TFB1M: variants seen among roughly 807,000 people sequenced by gnomAD.
TFB1M encodes transcription factor B1, mitochondrial.
A neutral mutation model predicts 31.1 loss-of-function variants in TFB1M; 27 were observed. The ratio of observed to expected loss-of-function variants is 0.87; its 90% CI spans 0.64 to 1.20. The LOEUF (loss-of-function observed/expected upper bound fraction) is 1.20. TFB1M is among the 50% of genes most tolerant of loss of function. The pLI, the probability that TFB1M is intolerant of heterozygous loss-of-function variation, is 0.00. For synonymous variants in TFB1M, 166 were observed against 151.8 expected (o/e 1.09, Z -0.69); for missense variants, 394 against 418.7 (o/e 0.94, Z 0.51).
chr6:155,246,919 A>G, the TFB1M span, among the ~76,000 whole-genome samples: 1 of 152,250 alleles, frequency 6.6e-6, no homozygotes, highest in Non-Finnish European at 1.5e-5. Flanking sequence ...GCAACTGGGC[A>G]TCCAGTGCCA....
At chr6:155,269,384 C>T (rs12214833) in intron 5 of TFB1M, among the ~76,000 whole-genome samples, 19,049 of 143,016 alleles carry the variant, frequency 0.13, 1,510 homozygotes, top group Non-Finnish European at 0.19. Flanking sequence ...TGCTATGACA[C>T]GATCTTGGCT....
At chr6:155,295,258 C>T (rs916693413) in intron 4 of TFB1M, among the ~76,000 whole-genome samples, 12 of 151,290 alleles carry the variant, frequency 7.9e-5, no homozygotes, top group Non-Finnish European at 1.5e-4. Flanking sequence ...CCCAGCTACT[C>T]GGGAGGCTGA....
rs1227892778 is a variant in TFB1M at position 155,256,701 on chromosome 6, C to T, written c.*1135G>A. The T allele has an allele frequency of 1.1e-5, 17 of 1,614,178 alleles. No homozygotes were observed. The highest frequency in any genetic ancestry group is 1.4e-5 in the Non-Finnish European group (17 of 1,180,036). On this transcript the variant is annotated 3_prime_UTR_variant, in exon 7 of 7. Coordinates refer to ENST00000367166, the MANE Select transcript of TFB1M (RefSeq NM_016020.4). The stretch of plus-strand genomic sequence containing the variant: ...TGGCAGATTTTGCCGACAATCTCAT[C>T]AAAGAGAGTGACATCCTGAGCGATG...
At chr6:155,267,135 C>T (rs1027400003) in intron 5 of TFB1M, among the ~76,000 whole-genome samples, 8 of 151,804 alleles carry the variant, frequency 5.3e-5, no homozygotes, top group Middle Eastern at 3.2e-3. Flanking sequence ...GCACCACACC[C>T]GGCCAATTTT....
chr6:155,290,410 A>AC (rs1776862549), intron 4 of TFB1M, among the ~76,000 whole-genome samples: 1 of 150,280 alleles, frequency 6.7e-6, no homozygotes, highest in Non-Finnish European at 1.5e-5. Context: ...AAAAAAAAAA[A>AC]GAAAAGAATG....
At chr6:155,250,894 T>A in the TFB1M span, 1 of 1,610,464 alleles carries the variant, frequency 6.2e-7, no homozygotes, top group Non-Finnish European at 8.5e-7. Flanking sequence ...CTTCCTTACC[T>A]CCTGTTTTTA....
chr6:155,271,667 T>C (rs981731354), intron 5 of TFB1M, among the ~76,000 whole-genome samples: 1 of 152,230 alleles, frequency 6.6e-6, no homozygotes, highest in African/African-American at 2.4e-5. Flanking sequence ...TCAACTCTCA[T>C]TTGCAAGGCA....
chr6:155,262,779 C>T (rs970410712), intron 5 of TFB1M, among the ~76,000 whole-genome samples: 2 of 152,194 alleles, frequency 1.3e-5, no homozygotes, highest in Non-Finnish European at 2.9e-5. Context: ...TTGGCCTCAT[C>T]TTTATTTGCC....
At chr6:155,284,047 C>A (rs1776511088) in intron 5 of TFB1M, among the ~76,000 whole-genome samples, 1 of 152,180 alleles carries the variant, frequency 6.6e-6, no homozygotes, top group Admixed American at 6.5e-5. Flanking sequence ...CGATAGCAAG[C>A]TCCCTGAGCT....
At chr6:155,313,936 T>C (rs750641761) in intron 1 of TFB1M, among the ~76,000 whole-genome samples, 1 of 152,272 alleles carries the variant, frequency 6.6e-6, no homozygotes, top group Non-Finnish European at 1.5e-5. Flanking sequence ...GTAAAGCAAC[T>C]GCAGTCAGCA....
At chr6:155,253,148 G>A, downstream of TFB1M, 1 of 1,081,726 alleles carries the variant, frequency 9.2e-7, no homozygotes, top group Non-Finnish European at 1.4e-6. Flanking sequence ...ATAATTTTTG[G>A]TGCCTTTTAT....
the TFB1M span, chr6:155,245,557 A>C: frequency 2.7e-5 from 36 of 1,353,818 alleles, no homozygotes; most frequent in Non-Finnish European, 3.5e-5. Flanking sequence ...GGGGCCGTCA[A>C]ATGCCATAAG....
intron 5 of TFB1M, among the ~76,000 whole-genome samples, chr6:155,271,067 T>C (rs1241305620): frequency 6.6e-6 from 1 of 152,190 alleles, no homozygotes; most frequent in African/African-American, 2.4e-5. Context: ...ATGCAAAACT[T>C]AGGATTAAAA....
At chr6:155,275,873 A>G in intron 5 of TFB1M, 5 of 1,614,114 alleles carry the variant, frequency 3.1e-6, no homozygotes, top group Non-Finnish European at 4.2e-6. Flanking sequence ...CGGGCTCTGG[A>G]TGGACTGTAC....
At chr6:155,252,027 T>G (rs765148131), downstream of TFB1M, 1 of 1,565,478 alleles carries the variant, frequency 6.4e-7, no homozygotes, top group Middle Eastern at 1.7e-4. Context: ...TCATTTTAAT[T>G]TAAGCTACCT....
At chr6:155,308,695 C>CATGAAA (rs1777891353) in intron 2 of TFB1M, among the ~76,000 whole-genome samples, 1 of 152,208 alleles carries the variant, frequency 6.6e-6, no homozygotes, top group Non-Finnish European at 1.5e-5. Context: ...GTTTTTCTTT[C>CATGAAA]CCCTAAACTG....
rs749309959 is a variant in TFB1M, at chr6:155,257,145, T to C, written c.*691A>G. On this transcript the variant is annotated 3_prime_UTR_variant, in exon 7 of 7. Transcript: ENST00000367166. ...AGTATGATTCAATCCAGATATGGGT[T>C]AAATTCCTCATTTTACTTTTAAACT... 3 of 1,584,422 alleles carry C rather than the reference T, an allele frequency of 1.9e-6. No homozygotes were observed. Among genetic ancestry groups the C allele is most frequent in the Admixed American group, 3.4e-5 (2 of 58,498 alleles).
chr6:155,255,195 TTAG>T (rs1317316209), downstream of TFB1M: 2 of 152,302 alleles, frequency 1.3e-5, no homozygotes, highest in African/African-American at 4.8e-5. Flanking sequence ...GCCGCAGTGG[TTAG>T]TAGGTACATT....
At chr6:155,250,680 T>TG in the TFB1M span, 38 of 1,468,772 alleles carry the variant, frequency 2.6e-5, no homozygotes, top group Admixed American at 6.4e-4. Flanking sequence ...CACCTACATG[T>TG]GCGTGCACTG....
Sources: allele counts gnomAD v4.1 joint callset (sites outside exome capture counted in the v4.1 genomes callset), GRCh38; gene constraint gnomAD v4.1.1; transcripts MANE v1.5; gene names NCBI Gene and HGNC (gene_info 2026-07-23, HGNC 2026-07-21).